KIF6: variants seen among roughly 807,000 people sequenced by gnomAD.
The protein encoded by KIF6 is kinesin family member 6.
A neutral mutation model predicts 112.7 loss-of-function variants in KIF6; 106 were observed. The ratio of observed to expected loss-of-function variants is 0.94; its 90% confidence interval spans 0.80 to 1.11. KIF6 has a LOEUF of 1.11. Ranked by LOEUF, KIF6 falls within the 50% of genes least tolerant of loss-of-function variation. KIF6 has a pLI of 0.00. For synonymous variants in KIF6, 339 were observed against 339.9 expected (o/e 1.00, Z 0.03); for missense variants, 929 against 964.0 (o/e 0.96, Z 0.48).
chr6:39,685,981 GT>G (rs1323434270), intron 3 of KIF6, among the ~76,000 whole-genome samples: 1 of 152,090 alleles, frequency 6.6e-6, no homozygotes, highest in East Asian at 1.9e-4. Context: ...ATCTACTTTT[GT>G]TTTAATTGAT....
chr6:39,446,591 T>G (rs1772335795), intron 13 of KIF6, among the ~76,000 whole-genome samples: 1 of 152,180 alleles, frequency 6.6e-6, no homozygotes, highest in Admixed American at 6.5e-5. Flanking sequence ...CTTCCCAGGT[T>G]CAAGCAATTC....
intron 3 of KIF6, among the ~76,000 whole-genome samples, chr6:39,678,023 T>C (rs1291763258): frequency 6.6e-6 from 1 of 152,022 alleles, no homozygotes; most frequent in Non-Finnish European, 1.5e-5. Flanking sequence ...AGCAGCATGA[T>C]TTATGCAGCC....
intron 19 of KIF6, among the ~76,000 whole-genome samples, chr6:39,348,694 C>G (rs1281472007): frequency 1.3e-5 from 2 of 152,222 alleles, no homozygotes; most frequent in African/African-American, 4.8e-5. Flanking sequence ...ATTAGGCCTT[C>G]TGGGTTGCCA....
intron 13 of KIF6, among the ~76,000 whole-genome samples, chr6:39,436,868 AT>A (rs536964465): frequency 1.2e-4 from 19 of 152,050 alleles, no homozygotes; most frequent in African/African-American, 4.3e-4. Flanking sequence ...TTGGTTCCAT[AT>A]TAATTTTAGG....
intron 4 of KIF6, among the ~76,000 whole-genome samples, chr6:39,637,395 C>T (rs376587794): frequency 1.1e-4 from 17 of 152,178 alleles, no homozygotes; most frequent in African/African-American, 4.1e-4. Flanking sequence ...ATGTAACACA[C>T]ATGTTTCCTG....
chr6:39,347,683 A>G (rs1763911603), intron 19 of KIF6, among the ~76,000 whole-genome samples: 1 of 152,222 alleles, frequency 6.6e-6, no homozygotes, highest in Non-Finnish European at 1.5e-5. Flanking sequence ...CTAGGGTTAG[A>G]GACAGGTGAG....
At chr6:39,681,583 A>C (rs1787518094) in intron 3 of KIF6, among the ~76,000 whole-genome samples, 1 of 152,210 alleles carries the variant, frequency 6.6e-6, no homozygotes, top group African/African-American at 2.4e-5. Context: ...TCCTTCAGCC[A>C]GAAACAAACA....
intron 13 of KIF6, among the ~76,000 whole-genome samples, chr6:39,494,440 G>A (rs1054594662): frequency 6.6e-6 from 1 of 152,156 alleles, no homozygotes; most frequent in Non-Finnish European, 1.5e-5. Context: ...GTATTTTAAA[G>A]GTTAAATAAC....
chr6:39,394,016 TTGTG>T (rs373505473), intron 15 of KIF6, among the ~76,000 whole-genome samples: 1 of 151,846 alleles, frequency 6.6e-6, no homozygotes, highest in Non-Finnish European at 1.5e-5. Context: ...AACTGTGTGT[TTGTG>T]TGTGTGTGTT....
intron 20 of KIF6, among the ~76,000 whole-genome samples, chr6:39,346,087 C>CTCTCTCTCT (rs1562112885): frequency 6.4e-3 from 18 of 2,814 alleles, no homozygotes; most frequent in Non-Finnish European, 9.6e-3. Flanking sequence ...TCTCTCTCTC[C>CTCTCTCTCT]CCCCCCTCTC....
At chr6:39,706,817 G>C (rs1355616627) in intron 3 of KIF6, among the ~76,000 whole-genome samples, 1 of 152,186 alleles carries the variant, frequency 6.6e-6, no homozygotes, top group African/African-American at 2.4e-5. Flanking sequence ...GTGTTTTTGT[G>C]AATTTCAGAT....
rs1244345340 is a variant in KIF6 at position 39,342,086 on chromosome 6, C to T, written c.2428+1623G>A. On this transcript the variant is annotated intron_variant, in intron 22 of 22. Coordinates refer to ENST00000287152, the MANE Select transcript of KIF6 (RefSeq NM_145027.6). The surrounding 1 kb of genome is among the most constrained non-coding windows in gnomAD (Gnocchi z 4.7). ...CCTTGTGCTCTTGCTCCCTGCCCTC[C>T]AGCCACTCTAGCTTCCTTCCCACCC... 6.6e-6 allele frequency among the ~76,000 whole-genome samples: 1 copy of T among 152,222 alleles called. No homozygotes were observed. Among genetic ancestry groups the T allele is most frequent in the Non-Finnish European group, 1.5e-5 (1 of 68,040 alleles).
In KIF6 at chr6:39,586,382, T is replaced by C. The variant is rs183216278; in HGVS notation, c.869A>G (p.Lys290Arg). Residue 290 changes from lysine to arginine, a missense_variant, in exon 8 of 23, where the codon AAG (lysine) becomes AGG (arginine). Physicochemically the swap from Lys to Arg is conservative, Grantham distance 26. Around this residue, in one of 2 missense-constraint regions of KIF6, gnomAD observed 688 missense variants for 662.7 expected, o/e 1.04. Coordinates refer to ENST00000287152, the MANE Select transcript of KIF6 (RefSeq NM_145027.6). ...TCTATAAGGAATGTGCGAACGGTGC[T>C]TTTCTGAAAGGGCAATGATAACCTG... is the stretch of plus-strand genomic sequence containing the variant. ...LEQVIIALSEKHRSHIPYRNS... is the reference protein window; with the variant it reads ...LEQVIIALSERHRSHIPYRNS... 2 of 1,614,110 alleles carry C rather than the reference T, an allele frequency of 1.2e-6. No individual in the cohort carries two copies. The highest frequency in any genetic ancestry group is 1.7e-6 in the Non-Finnish European group (2 of 1,179,988).
chr6:39,716,987 T>A (rs960654341), intron 2 of KIF6, among the ~76,000 whole-genome samples: 2 of 152,162 alleles, frequency 1.3e-5, no homozygotes, highest in African/African-American at 4.8e-5. Context: ...AGAATTCAAT[T>A]ATTTCTCAAC....
At position 39,377,510 on chromosome 6, in the gene KIF6, A is replaced by G. The variant is rs369304182; in HGVS notation, c.1861+8112T>C. Among the ~76,000 whole-genome samples the G allele has an allele frequency of 5.3e-5, 8 of 152,194 alleles. No individual in the cohort carries two copies. In the East Asian group the frequency reaches 1.4e-3, roughly 26 times the overall value. ...CAGTCTGGCCTTTTGCTTTCTCTTAAATTTGTTGTCCCTAGGTGCAGAACT... is the reference window on the plus strand; with the variant it reads ...CAGTCTGGCCTTTTGCTTTCTCTTAGATTTGTTGTCCCTAGGTGCAGAACT... On this transcript the variant is annotated intron_variant, in intron 16 of 22. Coordinates refer to ENST00000287152, the MANE Select transcript of KIF6 (RefSeq NM_145027.6).
At chr6:39,616,715 T>C (rs1474524585) in intron 5 of KIF6, among the ~76,000 whole-genome samples, 1 of 152,174 alleles carries the variant, frequency 6.6e-6, no homozygotes, top group Non-Finnish European at 1.5e-5. Flanking sequence ...AGCCAGTGCG[T>C]CAGCCCCACC....
chr6:39,649,355 C>T (rs1193119979), intron 3 of KIF6, among the ~76,000 whole-genome samples: 1 of 151,984 alleles, frequency 6.6e-6, no homozygotes, highest in African/African-American at 2.4e-5. Context: ...TATCCAAGGC[C>T]AAGAATATCT....
intron 15 of KIF6, among the ~76,000 whole-genome samples, chr6:39,413,703 C>G (rs768678415): frequency 1.3e-5 from 2 of 151,950 alleles, no homozygotes; most frequent in Non-Finnish European, 2.9e-5. Context: ...TCAAGCAGAA[C>G]TGAGACAAGG....
chr6:39,645,839 A>G (rs1166804944), intron 3 of KIF6, among the ~76,000 whole-genome samples: 5 of 152,166 alleles, frequency 3.3e-5, no homozygotes, highest in Non-Finnish European at 5.9e-5. Context: ...ATGAAGCTGG[A>G]AACCATCATT....
Sources: allele counts gnomAD v4.1 joint callset (sites outside exome capture counted in the v4.1 genomes callset), GRCh38; gene constraint gnomAD v4.1.1; regional missense constraint gnomAD v4.1.1; non-coding constraint Gnocchi (gnomAD v3.1); transcripts MANE v1.5; gene names NCBI Gene and HGNC (gene_info 2026-07-23, HGNC 2026-07-21).